Variants in PCYT1B observed in about 807,000 individuals in gnomAD.
PCYT1B encodes phosphate cytidylyltransferase 1B, choline, also known as choline-phosphate cytidylyltransferase B.
Under a neutral mutation model 26.4 loss-of-function variants are expected in PCYT1B, and 10 were observed. That is an observed-to-expected ratio of 0.38 (90% CI 0.23 to 0.64). The LOEUF (loss-of-function observed/expected upper bound fraction) is 0.64. Ranked by LOEUF, PCYT1B falls within the 30% of genes least tolerant of loss-of-function variation. PCYT1B has a pLI of 0.56. For missense variants in PCYT1B, 161 were observed against 292.7 expected (o/e 0.55, Z 3.28); for synonymous variants, 131 against 108.4 (o/e 1.21, Z -1.29).
intron 5 of PCYT1B, among the ~76,000 whole-genome samples, chrX:24,583,566 T>C (rs1183863865): frequency 8.9e-6 from 1 of 112,345 alleles, no homozygotes; most frequent in Non-Finnish European, 1.9e-5. Flanking sequence ...TTGCTAGAGT[T>C]AGAAAAATGT....
chrX:24,647,092 G>A lies in PCYT1B; in HGVS notation c.14C>T (p.Thr5Ile). Residue 5 changes from threonine to isoleucine, a missense_variant, in exon 1 of 8, where the codon ACC (threonine) becomes ATC (isoleucine). By Grantham distance (89) the Thr-to-Ile change is moderately conservative. Coordinates refer to ENST00000379144, the MANE Select transcript of PCYT1B (RefSeq NM_004845.5). ...ACCTGTTTCTGACTCAGCATCAGTG[G>A]TAACTACTGGCATGGCCAGTGAATG... is the stretch of plus-strand genomic sequence containing the variant. MPVV[T>I]TDAESETGIP... is the part of the protein sequence containing the mutation. The A allele has an allele frequency of 1.7e-6, 2 of 1,206,887 alleles. No homozygotes were observed. Among genetic ancestry groups the A allele is most frequent in the Non-Finnish European group, 2.2e-6 (2 of 891,208 alleles).
intron 4 of PCYT1B, among the ~76,000 whole-genome samples, chrX:24,588,137 C>A (rs1924431951): frequency 9.0e-6 from 1 of 111,489 alleles, no homozygotes. Context: ...ATTTCACTCA[C>A]CCTAGGTTCT....
At chrX:24,668,369 C>G (rs977590686) in intron 1 of PCYT1B, among the ~76,000 whole-genome samples, 1 of 112,081 alleles carries the variant, frequency 8.9e-6, no homozygotes, top group Non-Finnish European at 1.9e-5. Context: ...ACCATGAAGA[C>G]TTGGCAGCAA....
At chrX:24,616,390 A>G (rs1925499341) in intron 2 of PCYT1B, among the ~76,000 whole-genome samples, 1 of 110,220 alleles carries the variant, frequency 9.1e-6, no homozygotes, top group African/African-American at 3.3e-5. Flanking sequence ...GGCATGCGCC[A>G]CCACGCCTGG....
chrX:24,631,845 A>G (rs916955573), intron 1 of PCYT1B, among the ~76,000 whole-genome samples: 1 of 110,923 alleles, frequency 9.0e-6, no homozygotes, highest in African/African-American at 3.3e-5. Context: ...CATGCCTGTA[A>G]TCCCAGCTAC....
In PCYT1B at chrX:24,560,710, A is replaced by T. The variant is rs898206905; in HGVS notation, c.*1583T>A. The T allele has an allele frequency of 8.9e-6, 1 of 111,825 alleles. No homozygotes were observed. The highest frequency in any genetic ancestry group is 3.3e-5 in the African/African-American group (1 of 30,622). 9.2% of individuals were successfully genotyped at this position (111,825 alleles called of 1,213,427 possible). Reference sequence around the variant, plus strand: ...ACTGGTTGTCCCCTTGTCACCTAGAAGGCTGGTTCCCAAGGCCTCTGAAAA... The same window carrying T: ...ACTGGTTGTCCCCTTGTCACCTAGATGGCTGGTTCCCAAGGCCTCTGAAAA... On this transcript the variant is annotated 3_prime_UTR_variant, in exon 8 of 8. Transcript: ENST00000379144.
upstream of PCYT1B, among the ~76,000 whole-genome samples, chrX:24,648,249 T>C (rs189901410): frequency 5.4e-4 from 60 of 111,039 alleles, no homozygotes; most frequent in East Asian, 0.016. Flanking sequence ...AGGTATTCAT[T>C]GTGAATTGTC....
chrX:24,648,849 T>C (rs1323961410), upstream of PCYT1B, among the ~76,000 whole-genome samples: 1 of 111,179 alleles, frequency 9.0e-6, no homozygotes, highest in Non-Finnish European at 1.9e-5. Context: ...CGGGCTTGCC[T>C]CCATCACAGA....
chrX:24,619,777 G>A (rs1190349839), intron 1 of PCYT1B, among the ~76,000 whole-genome samples: 3 of 112,602 alleles, frequency 2.7e-5, no homozygotes, highest in Non-Finnish European at 5.6e-5. Flanking sequence ...AGCGACTAGC[G>A]GCTAGAGGCC....
At chrX:24,594,601 T>C (rs1029294302) in intron 3 of PCYT1B, among the ~76,000 whole-genome samples, 1 of 112,111 alleles carries the variant, frequency 8.9e-6, no homozygotes, top group Non-Finnish European at 1.9e-5. Flanking sequence ...ATCCTGTTTA[T>C]GCCAATACAG....
intron 1 of PCYT1B, among the ~76,000 whole-genome samples, chrX:24,661,050 T>C (rs747875671): frequency 8.9e-6 from 1 of 111,903 alleles, no homozygotes. Flanking sequence ...TATATTATCC[T>C]TTTTAAAAAA....
intron 7 of PCYT1B, among the ~76,000 whole-genome samples, chrX:24,565,390 G>C (rs2319591): frequency 9.1e-6 from 1 of 109,747 alleles, no homozygotes; most frequent in Non-Finnish European, 1.9e-5. Context: ...CAGGAGGAAG[G>C]GGGGGAAGAA....
chrX:24,622,996 A>G (rs1353352527), intron 1 of PCYT1B, among the ~76,000 whole-genome samples: 1 of 112,007 alleles, frequency 8.9e-6, no homozygotes, highest in Non-Finnish European at 1.9e-5. Context: ...TAGACTTTAA[A>G]TCAGCCAGAT....
At chrX:24,667,373 T>G (rs1179513915) in intron 1 of PCYT1B, among the ~76,000 whole-genome samples, 1 of 110,770 alleles carries the variant, frequency 9.0e-6, no homozygotes, top group Non-Finnish European at 1.9e-5. Flanking sequence ...GTAGAGGAAT[T>G]GCAGGGAGAT....
chrX:24,609,702 G>T (rs1381339444), intron 2 of PCYT1B, among the ~76,000 whole-genome samples: 1 of 112,259 alleles, frequency 8.9e-6, no homozygotes, highest in Non-Finnish European at 1.9e-5. Flanking sequence ...AAAGTTGACT[G>T]TCAAGTGTTG....
chrX:24,603,005 T>C (rs1925016647), intron 3 of PCYT1B, among the ~76,000 whole-genome samples: 2 of 111,406 alleles, frequency 1.8e-5, no homozygotes, highest in Non-Finnish European at 3.8e-5. Context: ...GGTTTCACCA[T>C]GTTGGCCAGG....
At chrX:24,572,539 C>T (rs756724928) in intron 7 of PCYT1B, among the ~76,000 whole-genome samples, 7 of 111,280 alleles carry the variant, frequency 6.3e-5, no homozygotes, top group African/African-American at 1.6e-4. Flanking sequence ...CTGTATTTGC[C>T]GGTAATACAG....
chrX:24,612,252 G>A (rs1195882952), intron 2 of PCYT1B, among the ~76,000 whole-genome samples: 2 of 112,629 alleles, frequency 1.8e-5, no homozygotes, highest in Admixed American at 1.9e-4. Flanking sequence ...TCTAACAACA[G>A]TTAACCTCCA....
At chrX:24,616,251 TTAA>T (rs1203495093) in intron 2 of PCYT1B, among the ~76,000 whole-genome samples, 1 of 91,258 alleles carries the variant, frequency 1.1e-5, no homozygotes, top group Admixed American at 1.2e-4. Flanking sequence ...TTTTTTTTTT[TTAA>T]AAAAACAGAG....
Sources: gnomAD v4.1 joint callset for allele counts (sites outside exome capture counted in the v4.1 genomes callset) on GRCh38, gnomAD v4.1.1 for gene constraint, MANE v1.5 for transcripts, NCBI Gene and HGNC (gene_info 2026-07-23, HGNC 2026-07-21) for gene names.